Variants in SSH3 observed in about 807,000 individuals in gnomAD.
The protein encoded by SSH3 is protein phosphatase Slingshot homolog 3.
A neutral mutation model predicts 75.0 loss-of-function variants in SSH3; 67 were observed. The observed-to-expected ratio is 0.89, with a 90% CI of 0.73 to 1.10. The LOEUF (loss-of-function observed/expected upper bound fraction) is 1.10, where lower values mean the gene tolerates loss of function less well. Ranked by LOEUF, SSH3 falls within the 50% of genes least tolerant of loss-of-function variation. The pLI is 0.00. For synonymous variants in SSH3, 318 were observed against 349.2 expected, an observed-to-expected ratio of 0.91 and a Z score of 1.00; for missense variants, 824 against 872.7, an observed-to-expected ratio of 0.94 and a Z score of 0.70.
At chr11:67,310,466 C>T in intron 13 of SSH3, 127 bp downstream of exon 13, 1 of 1,255,322 alleles carries the variant, frequency 8.0e-7, no homozygotes. Flanking sequence ...GTCTGGCCCG[C>T]CCATGCAGGG....
rs767787037 is a variant in SSH3, at chr11:67,308,491, C to T, written c.1061+33C>T. 3 of 1,556,922 alleles carry T rather than the reference C, an allele frequency of 1.9e-6. No individual in the cohort carries two copies. The highest frequency in any genetic ancestry group is 2.7e-5 in the African/African-American group (2 of 73,172). The stretch of plus-strand genomic sequence containing the variant: ...TATGAGCCCCTCGGGCCACCCACCC[C>T]ATCTTCCCTTCTCCTGGCCTCCCCG... On this transcript the variant is annotated intron_variant, in intron 10 of 13. Transcript: ENST00000308127. The surrounding 1 kb of genome is among the most constrained non-coding windows in gnomAD (Gnocchi z 4.9).
In SSH3 at chr11:67,311,680, G is replaced by C; in HGVS notation, c.1773G>C (p.Arg591Ser). The C allele has an allele frequency of 6.2e-7, 1 of 1,614,094 alleles. No individual in the cohort carries two copies. ...ARTKGGQQVD[R>S]GPQPALKSRQ... ...CCAAGGGAGGCCAGCAGGTGGACAG[G>C]GGGCCTCAGCCTGCCCTGAAGTCCC... Residue 591 changes from arginine (R) to serine (S), a missense_variant, in exon 14 of 14, where the codon AGG (arginine) becomes AGC (serine). Transcript: ENST00000308127.
chr11:67,306,745 A>G, intron 3 of SSH3, 93 bp from the exon 4 acceptor site: 1 of 1,383,332 alleles, frequency 7.2e-7, no homozygotes. Flanking sequence ...GAGAGGAAGG[A>G]GCAGGGTCAG....
At chr11:67,304,017 C>G in intron 1 of SSH3, 101 bp from the exon 2 acceptor site, 2 of 1,416,842 alleles carry the variant, frequency 1.4e-6, no homozygotes. Context: ...CGATTGGCAT[C>G]TGGCGCCTTT....
chr11:67,306,037 C>T (rs1861231862), intron 3 of SSH3, among the ~76,000 whole-genome samples: 1 of 151,888 alleles, frequency 6.6e-6, no homozygotes, highest in Non-Finnish European at 1.5e-5. Context: ...TGCCTGTAAT[C>T]CCAGCACTTT....
At position 67,311,913 on chromosome 11, in the gene SSH3, T is replaced by G. The variant is rs779611834; in HGVS notation, c.*26T>G. On this transcript the variant is annotated 3_prime_UTR_variant, in exon 14 of 14. Transcript: ENST00000308127. ...GCCCTCACACATGCCCACGCTCCCC[T>G]GACACTGAAGAGGATCCACAACTCC... 6 of 1,601,472 alleles carry G rather than the reference T, an allele frequency of 3.7e-6. No homozygotes were observed. In the South Asian group the frequency reaches 4.4e-5, roughly 12 times the overall value.
intron 11 of SSH3, 23 bp downstream of exon 11, chr11:67,309,566 C>G: frequency 6.2e-7 from 1 of 1,611,142 alleles, no homozygotes; most frequent in Non-Finnish European, 8.5e-7. Flanking sequence ...GCTTTGCTGC[C>G]TGCCCCACTG....
chr11:67,303,961 G>A, intron 1 of SSH3, 157 bp from the exon 2 acceptor site: 1 of 1,034,474 alleles, frequency 9.7e-7, no homozygotes, highest in South Asian at 1.7e-5. Flanking sequence ...CCTTGGGCCG[G>A]GGCTCCACGG....
At position 67,307,253 on chromosome 11, in the gene SSH3, C is replaced by T. The variant is rs1406294903; in HGVS notation, c.537-118C>T. 3.2e-6 allele frequency: 5 copies of T among 1,560,480 alleles called. No homozygotes were observed. The highest frequency in any genetic ancestry group is 4.3e-6 in the Non-Finnish European group (5 of 1,154,500). On this transcript the variant is annotated intron_variant, in intron 5 of 13. Transcript: ENST00000308127. This position sits in a 1 kb window ranked among gnomAD's most constrained non-coding sequence, Gnocchi z 4.2. ...TGCTCCCAGCTCCACGTCAGATTCA[C>T]CGTGATCCTGAGCAAGGCACCTGAC...
chr11:67,310,200 T>C lies in SSH3; in HGVS notation c.1544T>C (p.Met515Thr). The C allele has an allele frequency of 1.9e-6, 3 of 1,614,140 alleles. No homozygotes were observed. Among genetic ancestry groups the C allele is most frequent in the Non-Finnish European group, 2.5e-6 (3 of 1,180,020 alleles). The change falls in exon 13 of 14, where the codon ATG (methionine) becomes ACG (threonine). Residue 515 changes from methionine to threonine, a missense_variant. By Grantham distance (81) the Met-to-Thr change is moderately conservative. Transcript: ENST00000308127. ...EGGGEEKVVG[M>T]EESQAAPKEE... ...GGTGGGGAGGAGAAGGTTGTAGGCA[T>C]GGAAGAGAGCCAGGCAGCCCCGAAA...
rs770023721 is a variant in SSH3 at position 67,309,906 on chromosome 11, C to G, written c.1347C>G (p.Ile449Met). ...ALRHVQELRP[I>M]ARPNPGFLRQ... ...GCCACGTGCAGGAGCTCCGGCCCATCGCCCGCCCCAACCCTGGCTTCCTGC... is the reference window on the plus strand; with the variant it reads ...GCCACGTGCAGGAGCTCCGGCCCATGGCCCGCCCCAACCCTGGCTTCCTGC... Residue 449 changes from isoleucine to methionine, a missense_variant, in exon 12 of 14, where the codon ATC becomes ATG. Coordinates refer to ENST00000308127, the MANE Select transcript of SSH3 (RefSeq NM_017857.4). 2.5e-6 allele frequency: 4 copies of G among 1,611,258 alleles called. No homozygotes were observed. Among genetic ancestry groups the G allele is most frequent in the Non-Finnish European group, 3.4e-6 (4 of 1,179,964 alleles).
rs1368400269 is a variant in SSH3, at chr11:67,308,431, C to A, written c.1034C>A (p.Ala345Glu). 3 of 1,606,970 alleles carry A rather than the reference C, an allele frequency of 1.9e-6. No individual in the cohort carries two copies. The highest frequency in any genetic ancestry group is 2.2e-5 in the South Asian group (2 of 90,174). ...HLYLGSEWNA[A>E]NLEELQRNRV... Reference sequence around the variant, plus strand: ...TCCCAGGGCTCAGAGTGGAACGCAGCAAACCTGGAGGAGCTGCAGAGGAAC... The same window carrying A: ...TCCCAGGGCTCAGAGTGGAACGCAGAAAACCTGGAGGAGCTGCAGAGGAAC... Residue 345 changes from alanine (A) to glutamate (E), a missense_variant, in exon 10 of 14, where the codon GCA becomes GAA. Coordinates refer to ENST00000308127, the MANE Select transcript of SSH3 (RefSeq NM_017857.4). This position sits in a 1 kb window ranked among gnomAD's most constrained non-coding sequence, Gnocchi z 4.9.
intron 13 of SSH3, among the ~76,000 whole-genome samples, chr11:67,311,149 G>T (rs956671018): frequency 6.6e-6 from 1 of 152,192 alleles, no homozygotes; most frequent in Non-Finnish European, 1.5e-5. Context: ...GGGTTGATGG[G>T]CGGGTGTGGG....
Position 67,308,566 on chromosome 11 carries a change from G to C in SSH3, c.1061+108G>C, listed in dbSNP as rs1226672290. 4.2e-6 allele frequency: 6 copies of C among 1,427,442 alleles called. No homozygotes were observed. The African/African-American group carries it at 8.5e-5, about 20-fold the overall frequency. The allele number at this position is 1,427,442 out of a possible 1,614,324, so 88.4% of individuals were successfully genotyped here. ...AACCCCTGGACCACCCTCAGCAGCT[G>C]CTAGCTCTGCTTCTAACTCTGTCCT... On this transcript the variant is annotated intron_variant, in intron 10 of 13. Coordinates refer to ENST00000308127, the MANE Select transcript of SSH3 (RefSeq NM_017857.4). This position sits in a 1 kb window ranked among gnomAD's most constrained non-coding sequence, Gnocchi z 4.9.
chr11:67,303,895 A>T (rs1185332151), intron 1 of SSH3: 3 of 755,716 alleles, frequency 4.0e-6, no homozygotes. Context: ...CGGGCTGCGG[A>T]GGCCCCGATC....
At chr11:67,309,335 C>T (rs1057103330) in intron 10 of SSH3, 62 bp from the exon 11 acceptor site, 43 of 1,599,522 alleles carry the variant, frequency 2.7e-5, no homozygotes, top group South Asian at 1.8e-4. Flanking sequence ...CTGCCAGGTC[C>T]GATTGCCAGT....
In SSH3 at chr11:67,308,349, A is replaced by G. The variant is rs757467512; in HGVS notation, c.1014+47A>G. The G allele has an allele frequency of 6.2e-7, 1 of 1,613,516 alleles. No individual in the cohort carries two copies. Among genetic ancestry groups the G allele is most frequent in the Non-Finnish European group, 8.5e-7 (1 of 1,179,498 alleles). Reference sequence around the variant, plus strand: ...GCCATGGGGACCGCTGGCAGCTGTGAGGGCGGCAGGCCAGGAGCAGAGGCT... The same window carrying G: ...GCCATGGGGACCGCTGGCAGCTGTGGGGGCGGCAGGCCAGGAGCAGAGGCT... On this transcript the variant is annotated intron_variant, in intron 9 of 13. Coordinates refer to ENST00000308127, the MANE Select transcript of SSH3 (RefSeq NM_017857.4). This position sits in a 1 kb window ranked among gnomAD's most constrained non-coding sequence, Gnocchi z 4.9.
intron 2 of SSH3, among the ~76,000 whole-genome samples, chr11:67,304,459 G>T (rs1196638845): frequency 6.6e-6 from 1 of 152,192 alleles, no homozygotes; most frequent in Non-Finnish European, 1.5e-5. Context: ...CTGGGTCCCC[G>T]ACCATGTTCC....
Position 67,305,822 on chromosome 11 carries a change from C to T in SSH3, c.339+815C>T, listed in dbSNP as rs534345796. Among the ~76,000 whole-genome samples the T allele has an allele frequency of 2.0e-4, 31 of 152,182 alleles. No individual in the cohort carries two copies. The South Asian group carries it at 6.2e-3, about 31-fold the overall frequency. On this transcript the variant is annotated intron_variant, in intron 3 of 13. Coordinates refer to ENST00000308127, the MANE Select transcript of SSH3 (RefSeq NM_017857.4). The stretch of plus-strand genomic sequence containing the variant: ...TGCTCAAATACTTGTGGAGACAGCT[C>T]GCCGTCCTCAGCAAGACGTGGCAAA...
Sources: allele counts gnomAD v4.1 joint callset (sites outside exome capture counted in the v4.1 genomes callset), GRCh38; gene constraint gnomAD v4.1.1; non-coding constraint Gnocchi (gnomAD v3.1); transcripts MANE v1.5; gene names NCBI Gene and HGNC (gene_info 2026-07-23, HGNC 2026-07-21).